Variants in CDK14 observed in about 807,000 individuals in gnomAD.
The protein encoded by CDK14 is cyclin dependent kinase 14, also known as cyclin-dependent kinase 14.
Under a neutral mutation model 60.7 loss-of-function variants are expected in CDK14, and 34 were observed. The observed-to-expected ratio is 0.56, with a 90% CI of 0.43 to 0.75. The LOEUF is 0.75. Among genes scored for constraint, CDK14 ranks in the 30% least tolerant of loss-of-function variants. The pLI, the probability that CDK14 is intolerant of heterozygous loss-of-function variation, is 0.00. For synonymous variants in CDK14, 197 were observed against 203.7 expected (o/e 0.97, Z 0.28); for missense variants, 482 against 564.1 (o/e 0.85, Z 1.47).
At chr7:90,620,292 G>T (rs1799738876) in intron 2 of CDK14, among the ~76,000 whole-genome samples, 1 of 152,152 alleles carries the variant, frequency 6.6e-6, no homozygotes, top group Non-Finnish European at 1.5e-5. Context: ...AGTTGACTGG[G>T]CTGGGTATTT....
At chr7:90,628,921 C>T (rs1257199360) in intron 2 of CDK14, among the ~76,000 whole-genome samples, 2 of 151,550 alleles carry the variant, frequency 1.3e-5, no homozygotes, top group East Asian at 3.9e-4. Context: ...GCATTTTTCA[C>T]AGACTCTCAG....
At chr7:91,043,356 A>G (rs1797142457) in intron 10 of CDK14, among the ~76,000 whole-genome samples, 1 of 152,210 alleles carries the variant, frequency 6.6e-6, no homozygotes, top group African/African-American at 2.4e-5. Context: ...CATGTGACAG[A>G]TTGGCTGTGT....
chr7:91,143,060 C>T (rs1174667355), intron 14 of CDK14, among the ~76,000 whole-genome samples: 1 of 152,146 alleles, frequency 6.6e-6, no homozygotes. Context: ...GAAAATAGAG[C>T]AGGGACAGAC....
chr7:91,140,267 A>T (rs10230044), intron 14 of CDK14, among the ~76,000 whole-genome samples: 18,285 of 152,206 alleles, frequency 0.12, 1,554 homozygotes, highest in African/African-American at 0.23. Context: ...CTAAAAGTGC[A>T]TTTTACATGA....
At chr7:90,714,543 G>T (rs1802176351) in intron 2 of CDK14, among the ~76,000 whole-genome samples, 1 of 152,036 alleles carries the variant, frequency 6.6e-6, no homozygotes, top group Admixed American at 6.6e-5. Context: ...TATAATAGAT[G>T]AATCAATTGT....
intron 10 of CDK14, among the ~76,000 whole-genome samples, chr7:91,042,439 A>G (rs894844368): frequency 6.6e-6 from 1 of 152,102 alleles, no homozygotes; most frequent in Non-Finnish European, 1.5e-5. Context: ...GTTGAAGGCC[A>G]TTCATCACCA....
chr7:91,175,150 A>G lies in CDK14; in HGVS notation c.*29-32015A>G, dbSNP rs917826654. Among the ~76,000 whole-genome samples, 18 of 151,020 alleles carry G rather than the reference A, an allele frequency of 1.2e-4. 1 individual carries two copies. Among genetic ancestry groups the G allele is most frequent in the Middle Eastern group, 3.4e-3 (1 of 294 alleles). On this transcript the variant is annotated intron_variant, in intron 14 of 14. Coordinates refer to ENST00000380050, the MANE Select transcript of CDK14 (RefSeq NM_001287135.2). ...AAGCCAGAAGAGAGTGGGGGCCAAT[A>G]TTCAACATTCTTAAAGAAAAGAATT...
At chr7:90,598,431 C>T (rs1799240643) in intron 1 of CDK14, among the ~76,000 whole-genome samples, 1 of 152,174 alleles carries the variant, frequency 6.6e-6, no homozygotes. Context: ...CTTCTAAGAG[C>T]TGGTGGATTT....
intron 14 of CDK14, among the ~76,000 whole-genome samples, chr7:91,133,909 C>T (rs1243779296): frequency 6.6e-6 from 1 of 152,082 alleles, no homozygotes; most frequent in Non-Finnish European, 1.5e-5. Flanking sequence ...CATGAGTTAA[C>T]GTTTAAAGTA....
At chr7:91,043,146 A>G (rs1797135304) in intron 10 of CDK14, among the ~76,000 whole-genome samples, 1 of 152,224 alleles carries the variant, frequency 6.6e-6, no homozygotes, top group South Asian at 2.1e-4. Flanking sequence ...TGGTATGACC[A>G]TAATATATCA....
intron 8 of CDK14, among the ~76,000 whole-genome samples, chr7:90,929,938 T>C (rs1309529871): frequency 4.6e-5 from 7 of 152,246 alleles, no homozygotes; most frequent in Non-Finnish European, 7.3e-5. Context: ...AGGGTAGTTC[T>C]TGCTGCAAAT....
chr7:90,816,215 A>G (rs1789350407), intron 5 of CDK14, among the ~76,000 whole-genome samples: 1 of 152,204 alleles, frequency 6.6e-6, no homozygotes, highest in African/African-American at 2.4e-5. Context: ...GAACAGAGAA[A>G]GACATAACTG....
chr7:90,626,501 G>A (rs1293021224), intron 2 of CDK14, among the ~76,000 whole-genome samples: 3 of 152,154 alleles, frequency 2.0e-5, no homozygotes, highest in Non-Finnish European at 4.4e-5. Flanking sequence ...GTGATTATCT[G>A]TAATTTCTAT....
At chr7:90,909,264 T>C (rs1792811802) in intron 7 of CDK14, among the ~76,000 whole-genome samples, 1 of 152,160 alleles carries the variant, frequency 6.6e-6, no homozygotes, top group Admixed American at 6.6e-5. Context: ...AGTAAGATTA[T>C]GTTATTTGAA....
intron 2 of CDK14, among the ~76,000 whole-genome samples, chr7:90,651,872 A>C (rs1236396341): frequency 6.6e-6 from 1 of 151,968 alleles, no homozygotes; most frequent in Non-Finnish European, 1.5e-5. Flanking sequence ...TGGGATGTTG[A>C]GTAGTTTGGT....
chr7:90,867,023 A>G (rs184156740), intron 6 of CDK14, among the ~76,000 whole-genome samples: 109 of 152,258 alleles, frequency 7.2e-4, no homozygotes, highest in Non-Finnish European at 1.2e-3. Context: ...TCATGTTGCT[A>G]TTGGGTAACA....
At chr7:91,006,078 C>T (rs996889791) in intron 10 of CDK14, among the ~76,000 whole-genome samples, 1 of 152,226 alleles carries the variant, frequency 6.6e-6, no homozygotes. Context: ...GGGTGGACAC[C>T]GCTGGACCCC....
intron 5 of CDK14, among the ~76,000 whole-genome samples, chr7:90,860,945 CCT>C (rs1221963934): frequency 6.6e-6 from 1 of 152,088 alleles, no homozygotes; most frequent in Non-Finnish European, 1.5e-5. Context: ...AGCAGCTGGT[CCT>C]CTCTGGGTTT....
chr7:90,780,391 CTT>C (rs1805258122), intron 4 of CDK14, among the ~76,000 whole-genome samples: 1 of 151,468 alleles, frequency 6.6e-6, no homozygotes, highest in African/African-American at 2.4e-5. Context: ...CATTTTAAAA[CTT>C]ATAAATTTAT....
Sources: allele counts gnomAD v4.1 joint callset (sites outside exome capture counted in the v4.1 genomes callset), GRCh38; gene constraint gnomAD v4.1.1; transcripts MANE v1.5; gene names NCBI Gene and HGNC (gene_info 2026-07-23, HGNC 2026-07-21).